Variants in FBXO34 observed in about 807,000 individuals in gnomAD.
FBXO34 encodes F-box protein 34.
A neutral mutation model predicts 24.5 loss-of-function variants in FBXO34; 12 were observed. That is an observed-to-expected ratio of 0.49 (90% CI 0.31 to 0.79). The LOEUF (loss-of-function observed/expected upper bound fraction) is 0.79, where lower values mean the gene tolerates loss of function less well. FBXO34 is among the 30% of genes least tolerant of loss of function. The pLI is 0.04. For missense variants in FBXO34, 823 were observed against 857.7 expected (o/e 0.96, Z 0.51); for synonymous variants, 320 against 311.9 (o/e 1.03, Z -0.27).
the FBXO34 span, among the ~76,000 whole-genome samples, chr14:55,396,582 T>C: frequency 1.3e-5 from 2 of 152,134 alleles, no homozygotes; most frequent in Non-Finnish European, 1.5e-5. Flanking sequence ...ATCGGGGGTG[T>C]GAGACATCCA....
At chr14:55,380,709 C>G in the FBXO34 span, 2 of 1,519,136 alleles carry the variant, frequency 1.3e-6, no homozygotes, top group Non-Finnish European at 1.8e-6. Context: ...AGAAAACAAC[C>G]ACCATGTACA....
the FBXO34 span, chr14:55,433,517 G>A: frequency 3.1e-6 from 3 of 977,220 alleles, no homozygotes; most frequent in Non-Finnish European, 4.7e-6. Flanking sequence ...AAAGTCTTCA[G>A]CAAAGAAAGG....
chr14:55,321,655 C>T (rs1883137878), intron 1 of FBXO34, among the ~76,000 whole-genome samples: 1 of 152,188 alleles, frequency 6.6e-6, no homozygotes, highest in Non-Finnish European at 1.5e-5. Flanking sequence ...CCTCAGCCTC[C>T]CAAAGTGTTG....
chr14:55,282,350 C>T (rs550177840), intron 1 of FBXO34: 2 of 459,958 alleles, frequency 4.3e-6, no homozygotes, highest in African/African-American at 2.0e-5. Flanking sequence ...TGATTTTCTG[C>T]TTCTTGATAA....
At position 55,350,926 on chromosome 14, in the gene FBXO34, C is replaced by T; in HGVS notation, c.536C>T (p.Pro179Leu). 1.2e-6 allele frequency: 2 copies of T among 1,613,996 alleles called. No homozygotes were observed. Among genetic ancestry groups the T allele is most frequent in the African/African-American group, 1.3e-5 (1 of 75,030 alleles). The change falls in exon 2 of 2, where the codon CCT becomes CTT. Residue 179 changes from proline (P) to leucine (L), a missense_variant. Pro to Leu is a moderately conservative substitution (Grantham distance 98). Coordinates refer to ENST00000313833, the MANE Select transcript of FBXO34 (RefSeq NM_017943.4). ...AACAGCAGGTGCTACCAACCTGAGCCTTTTGCATGTGGCATTGAGCACTGT... is the reference window on the plus strand; with the variant it reads ...AACAGCAGGTGCTACCAACCTGAGCTTTTTGCATGTGGCATTGAGCACTGT... ...EVNSRCYQPE[P>L]FACGIEHCSV... is the part of the protein sequence containing the mutation.
At chr14:55,399,956 C>A in the FBXO34 span, among the ~76,000 whole-genome samples, 1 of 152,226 alleles carries the variant, frequency 6.6e-6, no homozygotes, top group South Asian at 2.1e-4. Flanking sequence ...CAGATGGCAG[C>A]AGGAATAACA....
intron 1 of FBXO34, among the ~76,000 whole-genome samples, chr14:55,316,761 C>T (rs1462771541): frequency 6.6e-6 from 1 of 151,410 alleles, no homozygotes; most frequent in Non-Finnish European, 1.5e-5. Flanking sequence ...TTCAAGACGG[C>T]AACAGCAGAG....
chr14:55,411,945 G>C, the FBXO34 span: 1 of 879,216 alleles, frequency 1.1e-6, no homozygotes, highest in Non-Finnish European at 1.7e-6. Flanking sequence ...CCCCTCCGCC[G>C]CCGCGTGTTC....
At chr14:55,392,743 A>G in the FBXO34 span, among the ~76,000 whole-genome samples, 2 of 152,316 alleles carry the variant, frequency 1.3e-5, no homozygotes, top group East Asian at 1.9e-4. Context: ...AAAGCTTAAA[A>G]CAATGCTCAA....
chr14:55,323,223 AT>A (rs1566555887), intron 1 of FBXO34, among the ~76,000 whole-genome samples: 4 of 18,520 alleles, frequency 2.2e-4, no homozygotes, highest in African/African-American at 9.0e-4. Flanking sequence ...AAAAAAATAT[AT>A]ATTTTTTTTT....
intron 1 of FBXO34, among the ~76,000 whole-genome samples, chr14:55,323,808 G>A (rs1472088760): frequency 6.6e-6 from 1 of 152,050 alleles, no homozygotes; most frequent in African/African-American, 2.4e-5. Flanking sequence ...TCAGTTTATT[G>A]AACCACTTAT....
chr14:55,388,203 T>C, the FBXO34 span, among the ~76,000 whole-genome samples: 1 of 152,234 alleles, frequency 6.6e-6, no homozygotes, highest in Non-Finnish European at 1.5e-5. Context: ...GTTCAGTCTC[T>C]TGGTTCCATC....
At chr14:55,279,408 T>C (rs61662514) in intron 1 of FBXO34, among the ~76,000 whole-genome samples, 15,257 of 152,148 alleles carry the variant, frequency 0.1, 2,116 homozygotes, top group African/African-American at 0.31. Flanking sequence ...ATAAATAAAC[T>C]GTGATTTCTA....
intron 1 of FBXO34, among the ~76,000 whole-genome samples, chr14:55,344,747 G>A (rs1259291386): frequency 6.6e-6 from 1 of 150,850 alleles, no homozygotes; most frequent in Non-Finnish European, 1.5e-5. Flanking sequence ...AACATCCCCA[G>A]TGTGTGATGT....
intron 1 of FBXO34, among the ~76,000 whole-genome samples, chr14:55,322,579 T>C (rs1241467912): frequency 1.3e-5 from 2 of 152,058 alleles, no homozygotes; most frequent in Admixed American, 1.3e-4. Flanking sequence ...CAAGTGATCC[T>C]CTCACCTGGG....
At chr14:55,437,824 C>G in the FBXO34 span, among the ~76,000 whole-genome samples, 3 of 152,274 alleles carry the variant, frequency 2.0e-5, no homozygotes, top group South Asian at 6.2e-4. Context: ...CATGGTTATT[C>G]CTTCTAGGCA....
chr14:55,345,429 G>C (rs897181083), intron 1 of FBXO34, among the ~76,000 whole-genome samples: 1 of 152,068 alleles, frequency 6.6e-6, no homozygotes, highest in Non-Finnish European at 1.5e-5. Flanking sequence ...AGGACTTTGC[G>C]TATCTTCCCT....
At chr14:55,418,086 T>C in the FBXO34 span, among the ~76,000 whole-genome samples, 5 of 152,240 alleles carry the variant, frequency 3.3e-5, no homozygotes, top group South Asian at 1.0e-3. Context: ...TAGAGGAATA[T>C]ACTTCCAGCT....
the FBXO34 span, chr14:55,437,154 C>T: frequency 1.4e-6 from 1 of 738,074 alleles, no homozygotes; most frequent in Non-Finnish European, 2.2e-6. Context: ...TGTATTCATG[C>T]ACTGCTTTTT....
Sources: gnomAD v4.1 joint callset for allele counts (sites outside exome capture counted in the v4.1 genomes callset) on GRCh38, gnomAD v4.1.1 for gene constraint, MANE v1.5 for transcripts, NCBI Gene and HGNC (gene_info 2026-07-23, HGNC 2026-07-21) for gene names.